The following RNF145 variants were observed in gnomAD, a reference collection of about 807,000 sequenced individuals.
RNF145 encodes the protein ring finger protein 145.
In RNF145, 12 loss-of-function variants were observed where a neutral mutation model predicts 57.3. The observed-to-expected ratio is 0.21, with a 90% CI of 0.13 to 0.34. The LOEUF (loss-of-function observed/expected upper bound fraction) is 0.34. Among genes scored for constraint, RNF145 ranks in the 10% least tolerant of loss-of-function variants. RNF145 has a pLI of 1.00. For missense variants in RNF145, 429 were observed against 799.0 expected (o/e 0.54, Z 5.58); for synonymous variants, 262 against 288.3 (o/e 0.91, Z 0.92).
At chr5:159,209,728 C>T (rs1309408291), upstream of RNF145, 22 of 1,116,770 alleles carry the variant, frequency 2.0e-5, 1 homozygote, top group Admixed American at 1.9e-4. Context: ...CAGCCCGGCT[C>T]GGGTGGCTAT....
intron 4 of RNF145, among the ~76,000 whole-genome samples, chr5:159,177,273 A>G (rs1562057982): frequency 6.6e-6 from 1 of 152,126 alleles, no homozygotes. Context: ...AATCCAAGAG[A>G]TATAATTACT....
At chr5:159,192,060 A>G (rs144560340) in intron 3 of RNF145, among the ~76,000 whole-genome samples, 232 of 152,234 alleles carry the variant, frequency 1.5e-3, no homozygotes, top group African/African-American at 5.2e-3. Flanking sequence ...AGAAAAAAAA[A>G]AAAACTGCAA....
At chr5:159,181,863 G>C in intron 4 of RNF145, 97 bp downstream of exon 4, 1 of 704,804 alleles carries the variant, frequency 1.4e-6, no homozygotes, top group Non-Finnish European at 2.5e-6. Flanking sequence ...TCACTTTTGA[G>C]AATTCCGTTT....
chr5:159,209,451 G>A lies in RNF145; in HGVS notation c.-260C>T, dbSNP rs1786026405. 1.0e-6 allele frequency: 1 copy of A among 982,618 alleles called. No individual in the cohort carries two copies. The allele number at this position is 982,618 out of a possible 1,614,324, so 60.9% of individuals were successfully genotyped here. On this transcript the variant is annotated 5_prime_UTR_variant, in exon 1 of 11. It adds an upstream start codon to the 5' untranslated region. Coordinates refer to ENST00000424310, the MANE Select transcript of RNF145 (RefSeq NM_001199383.2). ...CGGCCCGGCCCGTACGGTCACCATC[G>A]TCCGCGGCAGCAGGCGCTCGCGGGC...
chr5:159,186,120 G>A (rs1001989961), intron 3 of RNF145, among the ~76,000 whole-genome samples: 8 of 152,270 alleles, frequency 5.3e-5, no homozygotes, highest in African/African-American at 1.7e-4. Context: ...GGCTACTTGG[G>A]AGGCTGAGGC....
At chr5:159,184,882 G>C (rs561627794) in intron 3 of RNF145, among the ~76,000 whole-genome samples, 1 of 151,290 alleles carries the variant, frequency 6.6e-6, no homozygotes, top group African/African-American at 2.4e-5. Flanking sequence ...TTTGCGATTT[G>C]CTGTGATTAT....
chr5:159,175,021 G>C (rs770099150), intron 5 of RNF145, among the ~76,000 whole-genome samples: 8 of 152,126 alleles, frequency 5.3e-5, no homozygotes, highest in Non-Finnish European at 1.0e-4. Flanking sequence ...GGTCTTGCTG[G>C]AATCTCTCAA....
intron 1 of RNF145, among the ~76,000 whole-genome samples, chr5:159,207,222 C>G (rs1785921133): frequency 6.6e-6 from 1 of 152,146 alleles, no homozygotes. Flanking sequence ...AGAAACCAAA[C>G]AAATCGTCCT....
rs925901170 is a variant in RNF145, at chr5:159,203,091, G to C, written c.184+343C>G. On this transcript the variant is annotated intron_variant, in intron 2 of 10. Transcript: ENST00000424310. Reference sequence around the variant, plus strand: ...TTGCATTTTAAAAAGCTTACTTTCTGAATTACTACCAAACCCCAAAACAAG... The same window carrying C: ...TTGCATTTTAAAAAGCTTACTTTCTCAATTACTACCAAACCCCAAAACAAG... Among the ~76,000 whole-genome samples the C allele has an allele frequency of 7.0e-4, 106 of 152,154 alleles. 1 individual carries two copies. Among genetic ancestry groups the C allele is most frequent in the African/African-American group, 2.5e-3 (103 of 41,510 alleles).
chr5:159,194,849 A>T (rs1278434701), intron 2 of RNF145, 25 bp from the exon 3 acceptor site: 2 of 1,435,340 alleles, frequency 1.4e-6, no homozygotes, highest in Non-Finnish European at 1.9e-6. Context: ...TAAATAAAAT[A>T]CAATTTTAAT....
rs976047046 is a variant in RNF145, at chr5:159,200,415, A to G, written c.184+3019T>C. 2.6e-5 allele frequency among the ~76,000 whole-genome samples: 4 copies of G among 152,330 alleles called. No homozygotes were observed. The South Asian group carries it at 8.3e-4, about 32-fold the overall frequency. ...GAGAAGTTCAAAAATGAAACAAAATATATGTGAGAATTCAGTATATAATGA... is the reference window on the plus strand; with the variant it reads ...GAGAAGTTCAAAAATGAAACAAAATGTATGTGAGAATTCAGTATATAATGA... On this transcript the variant is annotated intron_variant, in intron 2 of 10. Transcript: ENST00000424310.
intron 3 of RNF145, among the ~76,000 whole-genome samples, chr5:159,183,289 T>C (rs910683523): frequency 1.3e-5 from 2 of 152,184 alleles, no homozygotes; most frequent in African/African-American, 4.8e-5. Flanking sequence ...AGGGGCAATT[T>C]TGCTCCTGAG....
At chr5:159,183,044 C>T (rs1186021397) in intron 3 of RNF145, among the ~76,000 whole-genome samples, 3 of 151,682 alleles carry the variant, frequency 2.0e-5, no homozygotes, top group Non-Finnish European at 2.9e-5. Context: ...CACAATCAGC[C>T]GGAAGGGTAT....
intron 3 of RNF145, among the ~76,000 whole-genome samples, chr5:159,186,154 G>A (rs988802421): frequency 1.3e-5 from 2 of 152,166 alleles, no homozygotes; most frequent in African/African-American, 4.8e-5. Context: ...GGACCTGGTA[G>A]GGGCAGGGGT....
chr5:159,208,631 C>A (rs1413940423), intron 1 of RNF145, among the ~76,000 whole-genome samples: 2 of 152,090 alleles, frequency 1.3e-5, no homozygotes, highest in South Asian at 2.1e-4. Context: ...CAACCTCGCA[C>A]CACCTGAAAG....
In RNF145 at chr5:159,158,701, T is replaced by C. The variant is rs1430949695; in HGVS notation, c.1961A>G (p.Lys654Arg). Reference protein sequence around the residue: ...FDPKEYPHSAKDEAHPVESA With the variant: ...FDPKEYPHSARDEAHPVESA ...TGATTCAACAGGATGTGCTTCATCT[T>C]TCGCACTGTGAGGATATTCTTTGGG... The change falls in exon 11 of 11, where the codon AAA becomes AGA. Residue 654 changes from lysine to arginine, a missense_variant. Around this residue, in one of 4 missense-constraint regions of RNF145, gnomAD observed 102 missense variants for 106.2 expected, o/e 0.96. Transcript: ENST00000424310. 3 of 1,613,824 alleles carry C rather than the reference T, an allele frequency of 1.9e-6. No individual in the cohort carries two copies. The highest frequency in any genetic ancestry group is 2.7e-5 in the African/African-American group (2 of 74,906).
At chr5:159,166,050 G>C (rs915126796) in intron 8 of RNF145, among the ~76,000 whole-genome samples, 5 of 152,192 alleles carry the variant, frequency 3.3e-5, no homozygotes, top group Non-Finnish European at 7.3e-5. Flanking sequence ...AGTACCATGG[G>C]ATATCCTGTG....
At chr5:159,168,642 C>T (rs769127007) in intron 8 of RNF145, among the ~76,000 whole-genome samples, 1 of 151,866 alleles carries the variant, frequency 6.6e-6, no homozygotes, top group Non-Finnish European at 1.5e-5. Context: ...AATTACATGG[C>T]CTTTGATGTC....
At chr5:159,197,315 G>C (rs930703846) in intron 2 of RNF145, among the ~76,000 whole-genome samples, 3 of 152,192 alleles carry the variant, frequency 2.0e-5, no homozygotes, top group Admixed American at 6.5e-5. Flanking sequence ...GATGTTAACA[G>C]AAAGATTGGG....
Sources: allele counts gnomAD v4.1 joint callset (sites outside exome capture counted in the v4.1 genomes callset), GRCh38; gene constraint gnomAD v4.1.1; regional missense constraint gnomAD v4.1.1; transcripts MANE v1.5; gene names NCBI Gene and HGNC (gene_info 2026-07-23, HGNC 2026-07-21).